Variants in CASP8 observed in about 807,000 individuals in gnomAD.
CASP8 encodes caspase 8, also known as caspase-8.
Under a neutral mutation model 46.3 loss-of-function variants are expected in CASP8, and 24 were observed. The ratio of observed to expected loss-of-function variants is 0.52; its 90% CI spans 0.38 to 0.73. CASP8 has a LOEUF of 0.73. Ranked by LOEUF, CASP8 falls within the 30% of genes least tolerant of loss-of-function variation. The probability of loss-of-function intolerance (pLI) is 0.00; values close to 1 mark genes in which losing one functional copy is unlikely to be tolerated. For synonymous variants in CASP8, 188 were observed against 200.4 expected (o/e 0.94, Z 0.52); for missense variants, 460 against 559.0 (o/e 0.82, Z 1.79).
Position 201,286,601 on chromosome 2 carries a change from T to C in CASP8, c.*7T>C. 1 of 1,612,646 alleles carries C rather than the reference T, an allele frequency of 6.2e-7. No individual in the cohort carries two copies. Among genetic ancestry groups the C allele is most frequent in the African/African-American group, 1.3e-5 (1 of 74,994 alleles). ...TGTCTTCCCTTCTGATTGATGGTGC[T>C]ATTTTGTTTGTTTTGTTTTGTTTTG... On this transcript the variant is annotated 3_prime_UTR_variant, in exon 9 of 9. Coordinates refer to ENST00000673742, the MANE Select transcript of CASP8 (RefSeq NM_001372051.1).
chr2:201,268,118 T>C (rs1947956989), intron 2 of CASP8, among the ~76,000 whole-genome samples: 1 of 151,574 alleles, frequency 6.6e-6, no homozygotes, highest in Non-Finnish European at 1.5e-5. Flanking sequence ...TAGGACGGAG[T>C]TCCACCATGT....
intron 2 of CASP8, among the ~76,000 whole-genome samples, chr2:201,244,073 AT>A (rs1347426882): frequency 2.0e-5 from 3 of 152,154 alleles, no homozygotes; most frequent in Non-Finnish European, 4.4e-5. Flanking sequence ...CTACCCCATC[AT>A]GGACCTGAAT....
chr2:201,238,956 AGTG>A (rs1442728224), intron 2 of CASP8, among the ~76,000 whole-genome samples: 2 of 151,764 alleles, frequency 1.3e-5, no homozygotes, highest in East Asian at 3.9e-4. Context: ...GAGATTAGGG[AGTG>A]GTGATGACTC....
intron 7 of CASP8, chr2:201,277,702 ATTT>A (rs60513589): frequency 1.4e-3 from 544 of 400,400 alleles, no homozygotes; most frequent in East Asian, 2.9e-3. Context: ...CCCTATTAAC[ATTT>A]TTTTTTTTTT....
upstream of CASP8, among the ~76,000 whole-genome samples, chr2:201,256,249 C>G (rs747994015): frequency 6.6e-6 from 1 of 152,228 alleles, no homozygotes; most frequent in Admixed American, 6.5e-5. Context: ...TAGGTGGTGA[C>G]TAACCACTCA....
intron 7 of CASP8, among the ~76,000 whole-genome samples, chr2:201,279,796 T>C (rs945503625): frequency 6.6e-6 from 1 of 151,892 alleles, no homozygotes; most frequent in Admixed American, 6.6e-5. Context: ...CTACTAAAAA[T>C]ACAAAAATTA....
chr2:201,254,972 G>A (rs1333830284), intron 2 of CASP8, among the ~76,000 whole-genome samples: 1 of 152,222 alleles, frequency 6.6e-6, no homozygotes, highest in African/African-American at 2.4e-5. Flanking sequence ...AGTCACACAG[G>A]CACATGTCTC....
At chr2:201,268,107 G>T (rs551395671) in intron 2 of CASP8, among the ~76,000 whole-genome samples, 6 of 151,690 alleles carry the variant, frequency 4.0e-5, no homozygotes, top group Non-Finnish European at 5.9e-5. Flanking sequence ...TGTATTTTTA[G>T]TAGGACGGAG....
intron 2 of CASP8, among the ~76,000 whole-genome samples, chr2:201,247,643 T>TA (rs80304785): frequency 0.15 from 22,792 of 151,234 alleles, 1,969 homozygotes; most frequent in South Asian, 0.29. Context: ...CATTCCTGGC[T>TA]AATTCTTGTA....
chr2:201,243,625 C>T (rs546798900), intron 2 of CASP8, among the ~76,000 whole-genome samples: 40 of 152,200 alleles, frequency 2.6e-4, no homozygotes, highest in Middle Eastern at 3.4e-3. Context: ...TACCAGATGC[C>T]CAAATCAAAA....
Position 201,274,900 on chromosome 2 carries a change from T to C in CASP8, c.607T>C (p.Cys203Arg). Residue 203 changes from cysteine (C) to arginine (R), a missense_variant, in exon 6 of 9, where the codon TGT becomes CGT. By Grantham distance (180) the Cys-to-Arg change is radical. Coordinates refer to ENST00000673742, the MANE Select transcript of CASP8 (RefSeq NM_001372051.1). ...PDEFSNGEEL[C>R]GVMTISDSPR... ...TTCGTTGTTTGCAGGGGAGGAGTTG[T>C]GTGGGGTAATGACAATCTCGGACTC... 7 of 1,613,166 alleles carry C rather than the reference T, an allele frequency of 4.3e-6. No homozygotes were observed. Among genetic ancestry groups the C allele is most frequent in the Non-Finnish European group, 5.9e-6 (7 of 1,179,184 alleles).
chr2:201,252,974 C>T (rs1355832745), intron 2 of CASP8, among the ~76,000 whole-genome samples: 5 of 151,936 alleles, frequency 3.3e-5, no homozygotes, highest in African/African-American at 9.7e-5. Context: ...CAGGGAATAA[C>T]CCTCCCAACA....
At chr2:201,268,732 TC>T (rs1559352931) in intron 2 of CASP8, among the ~76,000 whole-genome samples, 2 of 152,190 alleles carry the variant, frequency 1.3e-5, no homozygotes, top group African/African-American at 4.8e-5. Context: ...CGAGGAATAA[TC>T]TTTTTCATGC....
At chr2:201,252,297 G>C (rs1946822443) in intron 2 of CASP8, among the ~76,000 whole-genome samples, 1 of 151,638 alleles carries the variant, frequency 6.6e-6, no homozygotes, top group Non-Finnish European at 1.5e-5. Flanking sequence ...TTTTTTTTGA[G>C]ACAGAGTCTC....
intron 1 of CASP8, among the ~76,000 whole-genome samples, chr2:201,262,993 A>G (rs1183935152): frequency 6.6e-6 from 1 of 152,176 alleles, no homozygotes; most frequent in African/African-American, 2.4e-5. Flanking sequence ...TCCCTTCTAA[A>G]TGTCAGTTAT....
intron 2 of CASP8, among the ~76,000 whole-genome samples, chr2:201,255,423 A>C (rs1946970970): frequency 6.6e-6 from 1 of 152,154 alleles, no homozygotes; most frequent in Admixed American, 6.6e-5. Flanking sequence ...CACTGGGAGA[A>C]TCTAGGGTCA....
intron 2 of CASP8, among the ~76,000 whole-genome samples, chr2:201,239,307 C>T (rs1184892537): frequency 6.6e-6 from 1 of 152,084 alleles, no homozygotes; most frequent in Non-Finnish European, 1.5e-5. Flanking sequence ...GGGGTGGTGG[C>T]CGGGCAGAGG....
chr2:201,284,310 T>C lies in CASP8; in HGVS notation c.803-506T>C, dbSNP rs1448864277. On this transcript the variant is annotated intron_variant, in intron 7 of 8. Coordinates refer to ENST00000673742, the MANE Select transcript of CASP8 (RefSeq NM_001372051.1). ...GGCAGAGGCTGCAATCTCGGCTCTT[T>C]GGGAGGCCAAGGCAGGCGGCTGGGA... Among the ~76,000 whole-genome samples the C allele has an allele frequency of 1.0e-4, 7 of 69,984 alleles. 3 individuals are homozygous for C. The highest frequency in any genetic ancestry group is 1.9e-4 in the Non-Finnish European group (6 of 32,092). The allele number at this position is 69,984 out of a possible 152,430, so 45.9% of individuals were successfully genotyped here.
chr2:201,244,367 TCA>T (rs1482346133), intron 2 of CASP8, among the ~76,000 whole-genome samples: 1 of 152,236 alleles, frequency 6.6e-6, no homozygotes, highest in African/African-American at 2.4e-5. Flanking sequence ...GACTTGGAAG[TCA>T]CACAGTCTAT....
Sources: gnomAD v4.1 joint callset for allele counts (sites outside exome capture counted in the v4.1 genomes callset) on GRCh38, gnomAD v4.1.1 for gene constraint, MANE v1.5 for transcripts, NCBI Gene and HGNC (gene_info 2026-07-23, HGNC 2026-07-21) for gene names.